ODAD2: variants seen among roughly 807,000 people sequenced by gnomAD.
ODAD2 encodes the protein outer dynein arm-docking complex subunit 2.
A neutral mutation model predicts 106.8 loss-of-function variants in ODAD2; 89 were observed. That is an observed-to-expected ratio of 0.83 (90% CI 0.70 to 0.99). ODAD2 has a LOEUF of 0.99. Ranked by LOEUF, ODAD2 falls within the 50% of genes least tolerant of loss-of-function variation. ODAD2 has a pLI of 0.00. For missense variants in ODAD2, 1,168 were observed against 1,238.5 expected, an observed-to-expected ratio of 0.94 and a Z score of 0.85; for synonymous variants, 404 against 436.2, an observed-to-expected ratio of 0.93 and a Z score of 0.92.
chr10:27,952,074 CA>C (rs71388944), intron 10 of ODAD2, among the ~76,000 whole-genome samples: 493 of 44,034 alleles, frequency 0.011, 9 homozygotes, highest in South Asian at 0.04. Flanking sequence ...GATGCCAACT[CA>C]AAAAAAAAAA....
chr10:27,904,192 G>C (rs1422586620), intron 17 of ODAD2: 2 of 304,730 alleles, frequency 6.6e-6, no homozygotes, highest in African/African-American at 4.4e-5. Flanking sequence ...CTTTCCACGT[G>C]ATAGGGCTCC....
At chr10:27,948,969 A>G (rs1230167529) in intron 10 of ODAD2, among the ~76,000 whole-genome samples, 2 of 152,082 alleles carry the variant, frequency 1.3e-5, no homozygotes, top group Non-Finnish European at 2.9e-5. Flanking sequence ...GACAAGACGA[A>G]TTAAAGATAA....
At chr10:27,825,091 T>C (rs1427596118) in intron 19 of ODAD2, among the ~76,000 whole-genome samples, 1 of 152,204 alleles carries the variant, frequency 6.6e-6, no homozygotes, top group Admixed American at 6.5e-5. Flanking sequence ...TCTCTCTAGT[T>C]GCTTGGGCTG....
In ODAD2 at chr10:27,812,435, A is replaced by G. The variant is rs7895005; in HGVS notation, c.*77T>C. ...AGGGTTTGCTAACAACTGTTTCCCA[A>G]TTTAGGCTTTCTGGCCATGGGAGTG... On this transcript the variant is annotated 3_prime_UTR_variant, in exon 20 of 20. Transcript: ENST00000305242. 1.9e-3 allele frequency: 2,632 copies of G among 1,420,690 alleles called. 30 individuals carry two copies. The African/African-American group carries it at 0.029, about 16-fold the overall frequency. The allele number at this position is 1,420,690 out of a possible 1,614,324, so 88.0% of individuals were successfully genotyped here. A position where few individuals can be genotyped will look rare whatever the true frequency, so the allele number is the denominator to read the frequency against.
chr10:27,829,979 G>A (rs1024748363), intron 19 of ODAD2, among the ~76,000 whole-genome samples: 6 of 151,272 alleles, frequency 4.0e-5, no homozygotes, highest in Middle Eastern at 3.4e-3. Flanking sequence ...TTTTCCCCCA[G>A]ACAAAACTTA....
At chr10:27,931,196 T>C (rs1215454679) in intron 16 of ODAD2, among the ~76,000 whole-genome samples, 1 of 152,224 alleles carries the variant, frequency 6.6e-6, no homozygotes, top group Non-Finnish European at 1.5e-5. Flanking sequence ...GGGGAAATCT[T>C]GAGATCTGAA....
intron 16 of ODAD2, among the ~76,000 whole-genome samples, chr10:27,917,496 G>A (rs568846990): frequency 2.0e-5 from 3 of 151,706 alleles, no homozygotes. Context: ...ACACAAATAA[G>A]TACAATAAAT....
chr10:27,839,127 G>GT (rs1838123464), intron 19 of ODAD2, among the ~76,000 whole-genome samples: 1 of 152,128 alleles, frequency 6.6e-6, no homozygotes. Flanking sequence ...CCTAATTTTG[G>GT]TAACATGATG....
At chr10:27,891,858 T>C (rs1842585648) in intron 17 of ODAD2, among the ~76,000 whole-genome samples, 1 of 152,220 alleles carries the variant, frequency 6.6e-6, no homozygotes, top group Non-Finnish European at 1.5e-5. Context: ...TAAATTTTTA[T>C]ATAAATTTTC....
chr10:27,984,407 T>C, intron 4 of ODAD2, 117 bp from the exon 5 acceptor site: 2 of 697,302 alleles, frequency 2.9e-6, no homozygotes, highest in Non-Finnish European at 4.8e-6. Flanking sequence ...TTGCAGTTAA[T>C]TTTAGCCGTG....
chr10:27,994,516 G>A (rs889599939), intron 2 of ODAD2, among the ~76,000 whole-genome samples: 3 of 152,016 alleles, frequency 2.0e-5, no homozygotes, highest in African/African-American at 4.8e-5. Context: ...GATCACTTGA[G>A]GCCAGGAATT....
chr10:27,862,300 C>A (rs958632841), intron 18 of ODAD2, 134 bp downstream of exon 18: 86 of 546,306 alleles, frequency 1.6e-4, no homozygotes, highest in Non-Finnish European at 1.8e-4. Flanking sequence ...ATGAGTTGAC[C>A]AAATCTCATA....
intron 5 of ODAD2, 83 bp from the exon 6 acceptor site, chr10:27,984,062 T>C: frequency 6.5e-7 from 1 of 1,542,942 alleles, no homozygotes; most frequent in Non-Finnish European, 8.8e-7. Flanking sequence ...AAATAAATAT[T>C]GTGGAAATTT....
At position 27,860,797 on chromosome 10, in the gene ODAD2, C is replaced by G. The variant is rs988199238; in HGVS notation, c.2849G>C (p.Cys950Ser). 14 of 1,614,188 alleles carry G rather than the reference C, an allele frequency of 8.7e-6. No individual in the cohort carries two copies. The highest frequency in any genetic ancestry group is 1.3e-5 in the African/African-American group (1 of 75,062). Residue 950 changes from cysteine (C) to serine (S), a missense_variant, in exon 19 of 20, where the codon TGT becomes TCT. By Grantham distance (112) the Cys-to-Ser change is moderately radical (BLOSUM62 -1). Around this residue, in one of 3 missense-constraint regions of ODAD2, gnomAD observed 701 missense variants for 712.3 expected, o/e 0.98. Coordinates refer to ENST00000305242, the MANE Select transcript of ODAD2 (RefSeq NM_018076.5). ...GGCCACTCTATTCCTGCCCCACATA[C>G]AGCAACGTGAAATAGCTTCTGCTAG... ...HHLAEAISRCCMWGRNRVAFG... is the reference protein window; with the variant it reads ...HHLAEAISRCSMWGRNRVAFG...
chr10:27,956,592 T>A, intron 10 of ODAD2, among the ~76,000 whole-genome samples: 1 of 152,162 alleles, frequency 6.6e-6, no homozygotes, highest in East Asian at 1.9e-4. Context: ...GAAAGCATAA[T>A]TCTAGGCCCA....
chr10:27,824,541 T>C (rs917423194), intron 19 of ODAD2, among the ~76,000 whole-genome samples: 1 of 152,194 alleles, frequency 6.6e-6, no homozygotes, highest in Non-Finnish European at 1.5e-5. Context: ...AGAAATAATT[T>C]TTTTTCCTCA....
chr10:27,856,959 C>G (rs1480533000), intron 19 of ODAD2, among the ~76,000 whole-genome samples: 1 of 152,076 alleles, frequency 6.6e-6, no homozygotes. Context: ...AAGACCGAAA[C>G]TCCGTCCCAA....
chr10:27,970,080 G>A (rs1479172621), intron 8 of ODAD2, among the ~76,000 whole-genome samples: 1 of 151,542 alleles, frequency 6.6e-6, no homozygotes, highest in Non-Finnish European at 1.5e-5. Flanking sequence ...CAGCCTGGGT[G>A]ACAGCGAGAT....
chr10:27,917,092 T>C (rs1844442525), intron 16 of ODAD2, among the ~76,000 whole-genome samples: 1 of 152,190 alleles, frequency 6.6e-6, no homozygotes, highest in African/African-American at 2.4e-5. Flanking sequence ...TACACAGTTT[T>C]CTCTCAGTGC....
Sources: gnomAD v4.1 joint callset for allele counts (sites outside exome capture counted in the v4.1 genomes callset) on GRCh38, gnomAD v4.1.1 for gene constraint, gnomAD v4.1.1 regional missense constraint, MANE v1.5 for transcripts, NCBI Gene and HGNC (gene_info 2026-07-23, HGNC 2026-07-21) for gene names.